Variants in SIRT2 observed in about 807,000 individuals in gnomAD.
SIRT2 encodes NAD-dependent protein deacetylase sirtuin-2.
A neutral mutation model predicts 57.4 loss-of-function variants in SIRT2; 40 were observed. That is an observed-to-expected ratio of 0.70 (90% CI 0.54 to 0.91). The LOEUF is 0.91. Ranked by LOEUF, SIRT2 falls within the 40% of genes least tolerant of loss-of-function variation. The pLI, the probability that SIRT2 is intolerant of heterozygous loss-of-function variation, is 0.00. For missense variants in SIRT2, 439 were observed against 510.4 expected (o/e 0.86, Z 1.35); for synonymous variants, 161 against 195.7 (o/e 0.82, Z 1.48).
intron 2 of SIRT2, chr19:38,894,549 G>C (rs868720708): frequency 2.7e-5 from 8 of 293,626 alleles, no homozygotes; most frequent in Admixed American, 8.5e-5. Context: ...TCTTCCCTTC[G>C]TTCCCGGGTC....
chr19:38,890,262 A>G lies in SIRT2; in HGVS notation c.227-118T>C, dbSNP rs952901913. On this transcript the variant is annotated intron_variant, in intron 4 of 15. Transcript: ENST00000249396. ...TGCCAGGCCCTGGGGCAAGCATCTC[A>G]GATGCATGACGGGCCTTCCAATCAT... 6 of 957,732 alleles carry G rather than the reference A, an allele frequency of 6.3e-6. No individual in the cohort carries two copies. In the African/African-American group the frequency reaches 9.7e-5, roughly 16 times the overall value. 59.3% of individuals were successfully genotyped at this position (957,732 alleles called of 1,614,324 possible).
At chr19:38,883,230 GC>G in intron 9 of SIRT2, among the ~76,000 whole-genome samples, 1 of 151,722 alleles carries the variant, frequency 6.6e-6, no homozygotes, top group East Asian at 1.9e-4. Context: ...ACAGGCGCAT[GC>G]CACCACACCA....
At chr19:38,896,086 G>C (rs1365945349) in intron 2 of SIRT2, among the ~76,000 whole-genome samples, 1 of 151,998 alleles carries the variant, frequency 6.6e-6, no homozygotes, top group Admixed American at 6.6e-5. Context: ...AAAAGAGAGA[G>C]AGAAAGAGAG....
chr19:38,898,293 CTG>C lies in SIRT2; in HGVS notation c.63+84_63+85del, dbSNP rs1157824679. ...CAATGAGCCGAGGGCCCTGGGGTGA[CTG>C]TTTCCCCTTTGCCACCTCCCCCCAG... On this transcript the variant is annotated intron_variant, in intron 2 of 15. Coordinates refer to ENST00000249396, the MANE Select transcript of SIRT2 (RefSeq NM_012237.4). 3.8e-5 allele frequency: 39 copies of C among 1,034,170 alleles called. No individual in the cohort carries two copies. The South Asian group carries it at 7.4e-4, about 20-fold the overall frequency. The allele number at this position is 1,034,170 out of a possible 1,614,324, so 64.1% of individuals were successfully genotyped here.
In SIRT2 at chr19:38,879,134, C is replaced by G; in HGVS notation, c.*21G>C. 1 of 1,548,394 alleles carries G rather than the reference C, an allele frequency of 6.5e-7. No individual in the cohort carries two copies. The highest frequency in any genetic ancestry group is 8.7e-7 in the Non-Finnish European group (1 of 1,154,106). Reference sequence around the variant, plus strand: ...CAGCTGTCCCTGAGGAGCTCGGCATCCCGCCTGGGAGATGCAGCTGTCACT... The same window carrying G: ...CAGCTGTCCCTGAGGAGCTCGGCATGCCGCCTGGGAGATGCAGCTGTCACT... On this transcript the variant is annotated 3_prime_UTR_variant, in exon 16 of 16. Transcript: ENST00000249396.
intron 3 of SIRT2, 78 bp from the exon 4 acceptor site, chr19:38,893,605 G>T: frequency 8.0e-7 from 1 of 1,243,204 alleles, no homozygotes; most frequent in Non-Finnish European, 1.2e-6. Flanking sequence ...CCTGGCCCCA[G>T]CCCTGGGGTT....
chr19:38,893,920 A>G, intron 2 of SIRT2, 53 bp from the exon 3 acceptor site: 1 of 1,610,672 alleles, frequency 6.2e-7, no homozygotes, highest in Non-Finnish European at 8.5e-7. Flanking sequence ...TTAGGGAGGG[A>G]GGAGAGGGGG....
At chr19:38,891,396 A>C (rs1973530399) in intron 4 of SIRT2, among the ~76,000 whole-genome samples, 1 of 152,098 alleles carries the variant, frequency 6.6e-6, no homozygotes, top group East Asian at 1.9e-4. Flanking sequence ...TAAAAGTACA[A>C]AAATTAGCCG....
intron 4 of SIRT2, among the ~76,000 whole-genome samples, chr19:38,893,112 G>A (rs1270353740): frequency 2.0e-5 from 3 of 152,096 alleles, no homozygotes; most frequent in Non-Finnish European, 4.4e-5. Flanking sequence ...TGCTCTCTCG[G>A]TGGCAGCTCC....
intron 4 of SIRT2, among the ~76,000 whole-genome samples, chr19:38,893,091 C>T (rs1330669998): frequency 1.3e-5 from 2 of 151,882 alleles, no homozygotes; most frequent in Non-Finnish European, 2.9e-5. Flanking sequence ...GTTTGAACTA[C>T]TGGGAAAAGG....
chr19:38,889,661 T>C (rs200654695), intron 7 of SIRT2, 28 bp downstream of exon 7: 1 of 1,613,070 alleles, frequency 6.2e-7, no homozygotes, highest in Non-Finnish European at 8.5e-7. Flanking sequence ...CCCTTCCTGT[T>C]TCGCCCCCTG....
chr19:38,879,600 C>T (rs746672815), intron 14 of SIRT2, 32 bp downstream of exon 14: 2 of 1,559,070 alleles, frequency 1.3e-6, no homozygotes, highest in South Asian at 2.4e-5. Context: ...CCTGTCCCTT[C>T]CAGGCTGCCC....
In SIRT2 at chr19:38,879,467, G is replaced by A. The variant is rs1336195374; in HGVS notation, c.981C>T (p.Gly327=). 6.2e-7 allele frequency: 1 copy of A among 1,603,366 alleles called. No homozygotes were observed. The highest frequency in any genetic ancestry group is 8.5e-7 in the Non-Finnish European group (1 of 1,174,972). ...DVAWLGECDQ[G]CLALAELLGW... ...CAAGGAGCTCAGCAAGGGCCAGGCA[G>A]CCCTGGTCGCATTCACCCAGCCAGG... Residue 327 remains glycine (G), a synonymous_variant, in exon 15 of 16, where the codon GGC becomes GGT. Coordinates refer to ENST00000249396, the MANE Select transcript of SIRT2 (RefSeq NM_012237.4).
rs956471984 is a variant in SIRT2, at chr19:38,880,404, T to C, written c.876+281A>G. On this transcript the variant is annotated intron_variant, in intron 13 of 15. Coordinates refer to ENST00000249396, the MANE Select transcript of SIRT2 (RefSeq NM_012237.4). The surrounding 1 kb of genome is among the most constrained non-coding windows in gnomAD (Gnocchi z 4.1). ...GTGGACCCAACCCCGCCCCCCGCAC[T>C]GTCTCTCCTGACCCCTGCACCCCCT... 4.9e-5 allele frequency: 13 copies of C among 266,488 alleles called. No homozygotes were observed. In the South Asian group the frequency reaches 6.3e-4, roughly 13 times the overall value. The allele number at this position is 266,488 out of a possible 1,614,324, so 16.5% of individuals were successfully genotyped here. A position where few individuals can be genotyped will look rare whatever the true frequency, so the allele number is the denominator to read the frequency against.
chr19:38,881,204 G>C, intron 10 of SIRT2, 49 bp from the exon 11 acceptor site: 1 of 1,579,336 alleles, frequency 6.3e-7, no homozygotes, highest in South Asian at 1.1e-5. Flanking sequence ...TGGGGAGGCA[G>C]AGAGGACAGG....
Position 38,899,563 on chromosome 19 carries a change from T to G in SIRT2, c.-42A>C. The G allele has an allele frequency of 6.2e-7, 1 of 1,613,696 alleles. No individual in the cohort carries two copies. The highest frequency in any genetic ancestry group is 8.5e-7 in the Non-Finnish European group (1 of 1,179,866). On this transcript the variant is annotated 5_prime_UTR_variant, in exon 1 of 16. Transcript: ENST00000249396. Reference sequence around the variant, plus strand: ...CCCTTGAGGCTGTCACCGACCGCTCTGTCCCGTCACCAACCACTGTGTCCC... The same window carrying G: ...CCCTTGAGGCTGTCACCGACCGCTCGGTCCCGTCACCAACCACTGTGTCCC...
intron 6 of SIRT2, 47 bp downstream of exon 6, chr19:38,889,808 C>A (rs756483984): frequency 1.9e-6 from 3 of 1,612,378 alleles, no homozygotes; most frequent in Non-Finnish European, 2.5e-6. Flanking sequence ...AGCCAGGTGA[C>A]CCCATCCCCA....
intron 2 of SIRT2, among the ~76,000 whole-genome samples, chr19:38,894,691 G>A (rs1973659567): frequency 1.3e-5 from 2 of 151,942 alleles, no homozygotes; most frequent in Admixed American, 6.6e-5. Context: ...CCCCCTGCTC[G>A]AGGCCTCAGA....
chr19:38,887,790 T>C (rs770472269), intron 8 of SIRT2, among the ~76,000 whole-genome samples: 7 of 152,098 alleles, frequency 4.6e-5, no homozygotes, highest in Non-Finnish European at 8.8e-5. Flanking sequence ...GATGGAGTCT[T>C]GCTCTGTCAC....
Sources: gnomAD v4.1 joint callset for allele counts (sites outside exome capture counted in the v4.1 genomes callset) on GRCh38, gnomAD v4.1.1 for gene constraint, Gnocchi (gnomAD v3.1) non-coding constraint, MANE v1.5 for transcripts, NCBI Gene and HGNC (gene_info 2026-07-23, HGNC 2026-07-21) for gene names.